PYY: variants seen among roughly 807,000 people sequenced by gnomAD.
PYY encodes peptide tyrosine tyrosine.
In PYY, 12 loss-of-function variants were observed where a neutral mutation model predicts 10.3. The ratio of observed to expected loss-of-function variants is 1.17; its 90% CI spans 0.75 to 1.89. The LOEUF is 1.89. PYY is among the 40% of genes most tolerant of loss of function. PYY has a pLI of 0.00. For missense variants in PYY, 141 were observed against 134.0 expected, an observed-to-expected ratio of 1.05 and a Z score of -0.26; for synonymous variants, 66 against 62.0, an observed-to-expected ratio of 1.06 and a Z score of -0.30.
At position 43,987,690 on chromosome 17, in the gene PYY, C is replaced by T. The variant is rs531413651; in HGVS notation, c.-463+16701G>A. Among the ~76,000 whole-genome samples, 19 of 152,354 alleles carry T rather than the reference C, an allele frequency of 1.2e-4. No homozygotes were observed. The highest frequency in any genetic ancestry group is 1.3e-4 in the Admixed American group (2 of 15,300). On this transcript the variant is annotated intron_variant, in intron 1 of 6. Transcript: ENST00000360085. This position sits in a 1 kb window ranked among gnomAD's most constrained non-coding sequence, Gnocchi z 4.0. The stretch of plus-strand genomic sequence containing the variant: ...TCCAACCAACATTCACTGGGCCCCT[C>T]GTCTGTGCCAGTCCTTGCTCCAGGC...
At chr17:43,978,925 G>C (rs2048865978) in intron 1 of PYY, among the ~76,000 whole-genome samples, 1 of 152,192 alleles carries the variant, frequency 6.6e-6, no homozygotes. Flanking sequence ...CCCCTGTAAA[G>C]TGCCCTTATC....
At chr17:44,000,080 C>T (rs1486190272) in intron 1 of PYY, among the ~76,000 whole-genome samples, 1 of 152,154 alleles carries the variant, frequency 6.6e-6, no homozygotes, top group Non-Finnish European at 1.5e-5. Flanking sequence ...GTGGCGTGGT[C>T]ATAGCTTATT....
upstream of PYY, among the ~76,000 whole-genome samples, chr17:43,958,521 A>G (rs191071591): frequency 1.2e-4 from 19 of 152,286 alleles, 1 homozygote; most frequent in East Asian, 3.7e-3. Context: ...CTGGAATTAC[A>G]GGCACATGCC....
At chr17:43,984,547 A>T (rs2048903992) in intron 1 of PYY, among the ~76,000 whole-genome samples, 1 of 152,188 alleles carries the variant, frequency 6.6e-6, no homozygotes, top group Non-Finnish European at 1.5e-5. Context: ...GAAACCGCTT[A>T]CTTAGAGAGG....
At chr17:43,982,236 G>A (rs1427336220) in intron 1 of PYY, among the ~76,000 whole-genome samples, 2 of 152,222 alleles carry the variant, frequency 1.3e-5, no homozygotes, top group African/African-American at 4.8e-5. Flanking sequence ...AGAGTGGATG[G>A]ATTGGGAATC....
intron 1 of PYY, among the ~76,000 whole-genome samples, chr17:43,993,351 C>T (rs58990515): frequency 3.3e-5 from 5 of 151,730 alleles, no homozygotes; most frequent in South Asian, 2.1e-4. Flanking sequence ...CCCAGGTACT[C>T]GGGAGGCTGA....
intron 2 of PYY, among the ~76,000 whole-genome samples, chr17:43,959,466 C>T (rs1412246897): frequency 6.6e-6 from 1 of 152,244 alleles, no homozygotes; most frequent in Non-Finnish European, 1.5e-5. Flanking sequence ...GGGCGGATCA[C>T]CTGAAGCCAG....
At chr17:43,979,235 G>T (rs577865439) in intron 1 of PYY, among the ~76,000 whole-genome samples, 42 of 152,294 alleles carry the variant, frequency 2.8e-4, no homozygotes, top group African/African-American at 9.9e-4. Flanking sequence ...GCCCCATCCC[G>T]AACCTACTGA....
In PYY at chr17:43,987,848, G is replaced by A. The variant is rs62080328; in HGVS notation, c.-463+16543C>T. Among the ~76,000 whole-genome samples, 22,548 of 152,250 alleles carry A rather than the reference G, an allele frequency of 0.15. 2,084 individuals carry two copies. The highest frequency in any genetic ancestry group is 0.21 in the Non-Finnish European group (13,949 of 68,008). ...AGAGAACTAAAATTAGCAATAGGGA[G>A]GGAGGAAGGGGGCAAGGATGGAGAA... On this transcript the variant is annotated intron_variant, in intron 1 of 6. Coordinates refer to the PYY transcript ENST00000360085. This position sits in a 1 kb window ranked among gnomAD's most constrained non-coding sequence, Gnocchi z 4.0.
At chr17:44,001,411 T>A (rs1437790667) in intron 1 of PYY, among the ~76,000 whole-genome samples, 1 of 151,852 alleles carries the variant, frequency 6.6e-6, no homozygotes, top group Non-Finnish European at 1.5e-5. Flanking sequence ...GGAAGAAAAA[T>A]GTGAGCTGGA....
At chr17:43,994,130 A>G (rs1048411082) in intron 1 of PYY, among the ~76,000 whole-genome samples, 1 of 151,884 alleles carries the variant, frequency 6.6e-6, no homozygotes. Context: ...CTGGGATTAC[A>G]GGCATGGGCC....
At chr17:43,984,150 G>T (rs2048900918) in intron 1 of PYY, among the ~76,000 whole-genome samples, 1 of 151,422 alleles carries the variant, frequency 6.6e-6, no homozygotes, top group African/African-American at 2.4e-5. Flanking sequence ...CGATGGGGTC[G>T]CTGTTAGGGG....
intron 1 of PYY, 113 bp downstream of exon 1, chr17:43,953,737 T>C (rs1249759657): frequency 8.5e-6 from 3 of 354,144 alleles, no homozygotes; most frequent in Non-Finnish European, 1.5e-5. Flanking sequence ...CCACCTCCGA[T>C]GGCCCCCTCC....
intron 2 of PYY, among the ~76,000 whole-genome samples, chr17:43,961,379 C>T (rs540643372): frequency 9.2e-5 from 14 of 152,264 alleles, no homozygotes; most frequent in Non-Finnish European, 1.8e-4. Context: ...ATGTAACAAA[C>T]CTGCACATCC....
At chr17:43,976,305 A>G (rs1041654383) in intron 1 of PYY, among the ~76,000 whole-genome samples, 27 of 151,194 alleles carry the variant, frequency 1.8e-4, no homozygotes, top group Non-Finnish European at 3.1e-4. Context: ...ATGTATACAT[A>G]TACGTATATA....
At chr17:43,967,993 C>T (rs549384405) in intron 1 of PYY, among the ~76,000 whole-genome samples, 7 of 152,168 alleles carry the variant, frequency 4.6e-5, no homozygotes, top group African/African-American at 1.2e-4. Context: ...TTCATTCTCC[C>T]GTGCCCCAGC....
intron 1 of PYY, among the ~76,000 whole-genome samples, chr17:43,996,269 GGA>G (rs148541049): frequency 8.0e-5 from 12 of 150,580 alleles, no homozygotes; most frequent in Admixed American, 1.3e-4. Context: ...GAGACTACGT[GGA>G]GAGAGAGAGA....
chr17:43,988,298 C>G (rs1205948098), intron 1 of PYY, among the ~76,000 whole-genome samples: 1 of 152,220 alleles, frequency 6.6e-6, no homozygotes, highest in Non-Finnish European at 1.5e-5. Context: ...CATCAGACCT[C>G]TTGCGGAAAG....
intron 1 of PYY, among the ~76,000 whole-genome samples, chr17:43,993,233 G>T (rs1439302175): frequency 6.6e-6 from 1 of 152,016 alleles, no homozygotes; most frequent in Non-Finnish European, 1.5e-5. Flanking sequence ...GGCCAAGGCG[G>T]GTGGATCACG....
Sources: gnomAD v4.1 joint callset for allele counts (sites outside exome capture counted in the v4.1 genomes callset) on GRCh38, gnomAD v4.1.1 for gene constraint, Gnocchi (gnomAD v3.1) non-coding constraint, MANE v1.5 for transcripts, NCBI Gene and HGNC (gene_info 2026-07-23, HGNC 2026-07-21) for gene names.